The following SNTG1 variants were observed in gnomAD, a reference collection of about 807,000 sequenced individuals.
The protein encoded by SNTG1 is syntrophin gamma 1, also known as gamma-1-syntrophin.
In SNTG1, 39 loss-of-function variants were observed where a neutral mutation model predicts 74.7. That is an observed-to-expected ratio of 0.52 (90% CI 0.40 to 0.68). The LOEUF is 0.68. Ranked by LOEUF, SNTG1 falls within the 30% of genes least tolerant of loss-of-function variation. The pLI is 0.00. For synonymous variants in SNTG1, 254 were observed against 217.1 expected (o/e 1.17, Z -1.49); for missense variants, 685 against 609.5 (o/e 1.12, Z -1.30).
chr8:50,620,350 G>A (rs1239701701), intron 13 of SNTG1, among the ~76,000 whole-genome samples: 1 of 152,160 alleles, frequency 6.6e-6, no homozygotes, highest in Non-Finnish European at 1.5e-5. Flanking sequence ...GCTGTGAAGG[G>A]TCTATGTGAT....
At chr8:50,524,337 A>G (rs371646162) in intron 9 of SNTG1, among the ~76,000 whole-genome samples, 6 of 152,180 alleles carry the variant, frequency 3.9e-5, no homozygotes, top group East Asian at 3.9e-4. Flanking sequence ...TCTTGCTGTT[A>G]TTAATTCCCT....
intron 2 of SNTG1, among the ~76,000 whole-genome samples, chr8:50,191,856 T>A (rs1282139501): frequency 6.6e-6 from 1 of 152,076 alleles, no homozygotes; most frequent in Non-Finnish European, 1.5e-5. Flanking sequence ...GTATATTGTC[T>A]CAGTTAGCCT....
intron 12 of SNTG1, 28 bp downstream of exon 12, chr8:50,553,207 C>T (rs777978091): frequency 2.5e-6 from 4 of 1,612,816 alleles, no homozygotes; most frequent in Non-Finnish European, 3.4e-6. Context: ...GAATACCTAG[C>T]CAGGGTTTCT....
intron 2 of SNTG1, among the ~76,000 whole-genome samples, chr8:50,231,352 A>G (rs1224243118): frequency 1.3e-5 from 2 of 151,546 alleles, no homozygotes; most frequent in Admixed American, 1.3e-4. Flanking sequence ...AAAGAGAGTT[A>G]CCATATGATC....
At chr8:50,444,617 G>A (rs2093388678) in intron 5 of SNTG1, among the ~76,000 whole-genome samples, 1 of 151,962 alleles carries the variant, frequency 6.6e-6, no homozygotes, top group African/African-American at 2.4e-5. Context: ...AGGCGTGGTG[G>A]CACACACCTG....
At chr8:50,502,288 C>T (rs1464145680) in intron 8 of SNTG1, among the ~76,000 whole-genome samples, 1 of 152,120 alleles carries the variant, frequency 6.6e-6, no homozygotes, top group Non-Finnish European at 1.5e-5. Context: ...TGAATTAGTA[C>T]TCTGGTCAAT....
chr8:50,220,111 A>AATC (rs2084989645), intron 2 of SNTG1, among the ~76,000 whole-genome samples: 1 of 152,144 alleles, frequency 6.6e-6, no homozygotes, highest in Non-Finnish European at 1.5e-5. Flanking sequence ...TGTATGACAA[A>AATC]AAGAAGGGCC....
chr8:50,508,210 G>C (rs1585507600), intron 9 of SNTG1, among the ~76,000 whole-genome samples: 1 of 152,164 alleles, frequency 6.6e-6, no homozygotes, highest in East Asian at 1.9e-4. Context: ...AGAATTTTAT[G>C]GTTTCCAGTT....
intron 13 of SNTG1, among the ~76,000 whole-genome samples, chr8:50,617,234 CT>C (rs2094890893): frequency 6.6e-6 from 1 of 152,106 alleles, no homozygotes; most frequent in African/African-American, 2.4e-5. Flanking sequence ...GGGAAGGAAC[CT>C]GCTAATTTAT....
chr8:50,454,031 T>A (rs1316690379), intron 8 of SNTG1, among the ~76,000 whole-genome samples: 1 of 152,188 alleles, frequency 6.6e-6, no homozygotes, highest in Admixed American at 6.5e-5. Flanking sequence ...GAGTTGTACC[T>A]CCAAGAGACC....
chr8:50,775,203 T>TTAGCTATATGATGTTC (rs2095637342), intron 18 of SNTG1, among the ~76,000 whole-genome samples: 1 of 151,496 alleles, frequency 6.6e-6, no homozygotes, highest in African/African-American at 2.4e-5. Flanking sequence ...CTTAAATGAT[T>TTAGCTATATGATGTTC]TAGCTATATG....
chr8:50,229,628 G>T (rs546564376), intron 2 of SNTG1, among the ~76,000 whole-genome samples: 40 of 149,486 alleles, frequency 2.7e-4, no homozygotes, highest in African/African-American at 8.9e-4. Context: ...ATATGCAAAT[G>T]TAAGAGTGTA....
intron 9 of SNTG1, among the ~76,000 whole-genome samples, chr8:50,514,090 C>A (rs527756868): frequency 6.6e-6 from 1 of 152,154 alleles, no homozygotes; most frequent in African/African-American, 2.4e-5. Context: ...TTTTTATTTG[C>A]ATATTTTACT....
chr8:50,484,145 T>TTTCCTTCC (rs1363724784), intron 8 of SNTG1, among the ~76,000 whole-genome samples: 63 of 61,178 alleles, frequency 1.0e-3, no homozygotes, highest in Middle Eastern at 8.1e-3. Flanking sequence ...TCCTTCTTTC[T>TTTCCTTCC]TTCTTTCCTT....
intron 1 of SNTG1, among the ~76,000 whole-genome samples, chr8:50,000,434 G>A (rs1056658556): frequency 1.3e-5 from 2 of 152,016 alleles, no homozygotes; most frequent in Non-Finnish European, 2.9e-5. Flanking sequence ...TTCTGGAATG[G>A]GTCTTATTTT....
chr8:50,109,391 CA>C (rs1405061262), intron 1 of SNTG1, among the ~76,000 whole-genome samples: 1 of 152,140 alleles, frequency 6.6e-6, no homozygotes, highest in African/African-American at 2.4e-5. Flanking sequence ...CAGAAAATCA[CA>C]TTACCAAAAA....
chr8:50,251,405 GA>G (rs1192961953), intron 2 of SNTG1, among the ~76,000 whole-genome samples: 1 of 151,828 alleles, frequency 6.6e-6, no homozygotes, highest in Non-Finnish European at 1.5e-5. Flanking sequence ...AATGTAAGTG[GA>G]TTAAATTTTC....
chr8:50,489,855 C>T (rs182914234), intron 8 of SNTG1, among the ~76,000 whole-genome samples: 1 of 152,210 alleles, frequency 6.6e-6, no homozygotes, highest in East Asian at 1.9e-4. Context: ...ATGCCTATGT[C>T]CTGACTGGTA....
At chr8:49,951,501 C>T (rs972909794) in intron 1 of SNTG1, among the ~76,000 whole-genome samples, 19 of 151,562 alleles carry the variant, frequency 1.3e-4, no homozygotes, top group African/African-American at 3.4e-4. Context: ...TTAGAAGTAT[C>T]GCAAGAACAA....
Sources: gnomAD v4.1 joint callset for allele counts (sites outside exome capture counted in the v4.1 genomes callset) on GRCh38, gnomAD v4.1.1 for gene constraint, MANE v1.5 for transcripts, NCBI Gene and HGNC (gene_info 2026-07-23, HGNC 2026-07-21) for gene names.